The following DENND1B variants were observed in gnomAD, a reference collection of about 807,000 sequenced individuals.
DENND1B encodes DENN domain-containing protein 1B.
Under a neutral mutation model 90.1 loss-of-function variants are expected in DENND1B, and 59 were observed. The observed-to-expected ratio is 0.65, with a 90% confidence interval of 0.53 to 0.81. The LOEUF (loss-of-function observed/expected upper bound fraction) is 0.81. Ranked by LOEUF, DENND1B falls within the 40% of genes least tolerant of loss-of-function variation. DENND1B has a pLI of 0.00. For missense variants in DENND1B, 862 were observed against 912.6 expected (o/e 0.94, Z 0.71); for synonymous variants, 337 against 324.6 (o/e 1.04, Z -0.41).
chr1:197,685,573 A>C (rs994270596), intron 3 of DENND1B: 5 of 152,190 alleles, frequency 3.3e-5, no homozygotes, highest in African/African-American at 1.2e-4. Flanking sequence ...AGGTTATCTT[A>C]AATTACACAA....
intron 14 of DENND1B, among the ~76,000 whole-genome samples, chr1:197,584,805 G>T (rs1445678277): frequency 5.3e-5 from 8 of 152,058 alleles, no homozygotes; most frequent in African/African-American, 1.7e-4. Flanking sequence ...CCAAGTAGCT[G>T]GGACTACAGG....
At chr1:197,586,776 C>G (rs376069933) in intron 14 of DENND1B, among the ~76,000 whole-genome samples, 1 of 152,184 alleles carries the variant, frequency 6.6e-6, no homozygotes, top group African/African-American at 2.4e-5. Flanking sequence ...AAAAGTCAAG[C>G]AAGAACATGG....
chr1:197,776,425 T>C (rs1448614608), upstream of DENND1B, among the ~76,000 whole-genome samples: 2 of 152,200 alleles, frequency 1.3e-5, no homozygotes, highest in Admixed American at 6.5e-5. Context: ...AAAAGTCTTA[T>C]GATGGACATT....
rs916345046 is a variant in DENND1B at position 197,690,948 on chromosome 1, A to G, written c.127-16779T>C. 4.7e-4 allele frequency among the ~76,000 whole-genome samples: 71 copies of G among 152,008 alleles called. 1 individual carries two copies. The highest frequency in any genetic ancestry group is 1.5e-3 in the African/African-American group (62 of 41,416). ...TTTAATGAAAAAAATAGACTTAAACATAAGACGTGAAAAGTGTAAAGCTCT... is the reference window on the plus strand; with the variant it reads ...TTTAATGAAAAAAATAGACTTAAACGTAAGACGTGAAAAGTGTAAAGCTCT... On this transcript the variant is annotated intron_variant, in intron 3 of 22. Transcript: ENST00000620048.
At chr1:197,735,206 A>C in intron 2 of DENND1B, 1 of 1,035,510 alleles carries the variant, frequency 9.7e-7, no homozygotes, top group Non-Finnish European at 1.2e-6. Context: ...CCTACCATTG[A>C]GTATCTTTTA....
chr1:197,594,041 A>C (rs1675471183), intron 14 of DENND1B, among the ~76,000 whole-genome samples: 1 of 151,968 alleles, frequency 6.6e-6, no homozygotes, highest in Non-Finnish European at 1.5e-5. Flanking sequence ...ACTTTTTAAG[A>C]CTCCCCCATG....
intron 18 of DENND1B, among the ~76,000 whole-genome samples, chr1:197,544,994 AGAAGGAAGACGAC>A (rs1457090388): frequency 4.8e-5 from 2 of 41,834 alleles, no homozygotes; most frequent in African/African-American, 1.9e-4. Flanking sequence ...GGAAGAAGGA[AGAAGGAAGACGAC>A]GACGACGACG....
chr1:197,729,194 T>G (rs1225837791), intron 2 of DENND1B, among the ~76,000 whole-genome samples: 1 of 152,174 alleles, frequency 6.6e-6, no homozygotes, highest in East Asian at 1.9e-4. Flanking sequence ...TATTTGTGTC[T>G]CCTCATTTAA....
chr1:197,521,812 T>G (rs10922247), intron 20 of DENND1B, among the ~76,000 whole-genome samples: 42,178 of 151,986 alleles, frequency 0.28, 6,490 homozygotes, highest in Middle Eastern at 0.42. Context: ...AGCTACTTTA[T>G]GTACTGTATT....
At chr1:197,590,197 C>T (rs1176570516) in intron 14 of DENND1B, among the ~76,000 whole-genome samples, 6 of 152,156 alleles carry the variant, frequency 3.9e-5, no homozygotes, top group Non-Finnish European at 7.4e-5. Flanking sequence ...ATAATGACGA[C>T]GTAAACAGCA....
At chr1:197,673,521 A>G (rs1655741186) in intron 4 of DENND1B, among the ~76,000 whole-genome samples, 1 of 152,012 alleles carries the variant, frequency 6.6e-6, no homozygotes, top group Non-Finnish European at 1.5e-5. Flanking sequence ...AAAACAATAA[A>G]CGATCTGTTG....
At chr1:197,702,466 T>A (rs1389866607) in intron 3 of DENND1B, among the ~76,000 whole-genome samples, 1 of 152,206 alleles carries the variant, frequency 6.6e-6, no homozygotes, top group Non-Finnish European at 1.5e-5. Context: ...TCTGGAAAAC[T>A]TTATGTCAGC....
chr1:197,541,383 T>G (rs1670326942), intron 18 of DENND1B, among the ~76,000 whole-genome samples: 1 of 152,206 alleles, frequency 6.6e-6, no homozygotes, highest in African/African-American at 2.4e-5. Flanking sequence ...TTTGGGTAGA[T>G]GCTTGAACTT....
At chr1:197,549,266 A>C (rs1363240017) in intron 16 of DENND1B, among the ~76,000 whole-genome samples, 3 of 152,116 alleles carry the variant, frequency 2.0e-5, no homozygotes, top group Non-Finnish European at 4.4e-5. Context: ...GTACTCATTT[A>C]TCTCAAAATG....
intron 20 of DENND1B, among the ~76,000 whole-genome samples, chr1:197,528,257 C>T (rs1669287675): frequency 6.6e-6 from 1 of 152,060 alleles, no homozygotes; most frequent in Admixed American, 6.6e-5. Flanking sequence ...AAATAAGATG[C>T]TAACATATTG....
intron 16 of DENND1B, 96 bp downstream of exon 16, chr1:197,552,926 T>A: frequency 6.5e-7 from 1 of 1,529,884 alleles, no homozygotes; most frequent in Non-Finnish European, 8.7e-7. Flanking sequence ...AGGAAATCAT[T>A]AGTTGTTTAT....
intron 15 of DENND1B, among the ~76,000 whole-genome samples, chr1:197,553,528 G>GT (rs1558233206): frequency 6.6e-6 from 1 of 152,120 alleles, no homozygotes; most frequent in Non-Finnish European, 1.5e-5. Context: ...TGTTTACCCA[G>GT]TACCTGCCTC....
At chr1:197,514,131 C>T (rs997948055) in intron 20 of DENND1B, among the ~76,000 whole-genome samples, 6 of 151,738 alleles carry the variant, frequency 4.0e-5, no homozygotes, top group East Asian at 1.9e-4. Flanking sequence ...TCCATGATAA[C>T]GACTGGCTAA....
At chr1:197,775,874 A>G (rs148838722), upstream of DENND1B, among the ~76,000 whole-genome samples, 1 of 152,252 alleles carries the variant, frequency 6.6e-6, no homozygotes, top group Non-Finnish European at 1.5e-5. Context: ...TCAGAGCTCA[A>G]GTTGATGCCC....
Sources: allele counts gnomAD v4.1 joint callset (sites outside exome capture counted in the v4.1 genomes callset), GRCh38; gene constraint gnomAD v4.1.1; transcripts MANE v1.5; gene names NCBI Gene and HGNC (gene_info 2026-07-23, HGNC 2026-07-21).